The following PRKG1 variants were observed in gnomAD, a reference collection of about 807,000 sequenced individuals.
PRKG1 encodes cGMP-dependent protein kinase 1.
Under a neutral mutation model 88.1 loss-of-function variants are expected in PRKG1, and 35 were observed. The ratio of observed to expected loss-of-function variants is 0.40; its 90% CI spans 0.30 to 0.53. The LOEUF (loss-of-function observed/expected upper bound fraction) is 0.53, where lower values mean the gene tolerates loss of function less well. Ranked by LOEUF, PRKG1 falls within the 20% of genes least tolerant of loss-of-function variation. The pLI, the probability that PRKG1 is intolerant of heterozygous loss-of-function variation, is 0.59. For missense variants in PRKG1, 540 were observed against 839.8 expected (o/e 0.64, Z 4.41); for synonymous variants, 303 against 292.5 (o/e 1.04, Z -0.37).
chr10:51,844,961 T>C (rs905459825), intron 4 of PRKG1, among the ~76,000 whole-genome samples: 2 of 152,184 alleles, frequency 1.3e-5, no homozygotes, highest in African/African-American at 4.8e-5. Context: ...AAATTTCAGT[T>C]ATATCATTGT....
At chr10:51,885,085 T>A (rs1400420609) in intron 4 of PRKG1, among the ~76,000 whole-genome samples, 1 of 152,210 alleles carries the variant, frequency 6.6e-6, no homozygotes, top group Non-Finnish European at 1.5e-5. Context: ...CCAAGTTTCT[T>A]TTCATTTTTA....
At chr10:51,042,016 C>T (rs773584256) in intron 1 of PRKG1, among the ~76,000 whole-genome samples, 20 of 152,120 alleles carry the variant, frequency 1.3e-4, no homozygotes, top group Non-Finnish European at 2.6e-4. Context: ...AGACCATGTC[C>T]TCTGAGCCAG....
intron 3 of PRKG1, among the ~76,000 whole-genome samples, chr10:51,582,360 T>C (rs1838062095): frequency 1.3e-5 from 2 of 152,148 alleles, no homozygotes; most frequent in Non-Finnish European, 2.9e-5. Flanking sequence ...ATGTGCAAGA[T>C]GCACAGGTTT....
chr10:51,394,321 C>T (rs1376745262), intron 2 of PRKG1, among the ~76,000 whole-genome samples: 2 of 152,150 alleles, frequency 1.3e-5, no homozygotes, highest in Non-Finnish European at 2.9e-5. Context: ...GACAGTAGAA[C>T]CTAGACATGG....
intron 4 of PRKG1, among the ~76,000 whole-genome samples, chr10:51,829,675 C>T (rs1347908999): frequency 6.6e-6 from 1 of 152,168 alleles, no homozygotes; most frequent in African/African-American, 2.4e-5. Flanking sequence ...CACGTGAACA[C>T]ACACACACAT....
chr10:51,714,714 C>T (rs1275254570), intron 3 of PRKG1, among the ~76,000 whole-genome samples: 1 of 152,144 alleles, frequency 6.6e-6, no homozygotes, highest in African/African-American at 2.4e-5. Context: ...TTATCCTTCT[C>T]CTTATCATCA....
At chr10:51,657,889 C>A (rs760886906) in intron 3 of PRKG1, among the ~76,000 whole-genome samples, 8 of 152,076 alleles carry the variant, frequency 5.3e-5, no homozygotes, top group Non-Finnish European at 2.9e-5. Flanking sequence ...CTCCAGGGTA[C>A]TGGGCTCCAG....
At chr10:51,985,694 G>A (rs1246942340) in intron 5 of PRKG1, among the ~76,000 whole-genome samples, 2 of 151,998 alleles carry the variant, frequency 1.3e-5, no homozygotes, top group Non-Finnish European at 2.9e-5. Flanking sequence ...TTAAAAAATG[G>A]TTGTATCATA....
chr10:51,366,082 G>A (rs555464384), intron 2 of PRKG1, among the ~76,000 whole-genome samples: 53 of 151,974 alleles, frequency 3.5e-4, no homozygotes, highest in Non-Finnish European at 3.7e-4. Context: ...TAGAGTTTGC[G>A]TTTGCATGAG....
rs1350752267 is a variant in PRKG1, at chr10:51,942,738, G to T, written c.762+35168G>T. Among the ~76,000 whole-genome samples the T allele has an allele frequency of 1.4e-4, 21 of 150,920 alleles. No homozygotes were observed. In the South Asian group the frequency reaches 4.4e-3, roughly 32 times the overall value. On this transcript the variant is annotated intron_variant, in intron 5 of 17. Coordinates refer to ENST00000373980, the MANE Select transcript of PRKG1 (RefSeq NM_006258.4). ...CTTTCCCCATTGCTTGTTTTTCTCA[G>T]GTTTGTCAAAGATCAGATAGTTGTA...
intron 3 of PRKG1, among the ~76,000 whole-genome samples, chr10:51,524,027 T>A (rs964118469): frequency 6.6e-6 from 1 of 152,078 alleles, no homozygotes; most frequent in African/African-American, 2.4e-5. Context: ...CTCGTGATAG[T>A]GAGTTCTCAA....
intron 5 of PRKG1, 61 bp downstream of exon 5, chr10:51,907,631 TTC>T (rs1298533848): frequency 7.0e-7 from 1 of 1,425,950 alleles, no homozygotes; most frequent in Non-Finnish European, 9.9e-7. Context: ...GCTGGCTTCT[TTC>T]ACAGCTGTGT....
chr10:51,077,076 A>C (rs1279374284), intron 1 of PRKG1, among the ~76,000 whole-genome samples: 1 of 152,204 alleles, frequency 6.6e-6, no homozygotes, highest in Admixed American at 6.5e-5. Context: ...TAGAAAGTGT[A>C]CCTTTCTTAG....
intron 5 of PRKG1, among the ~76,000 whole-genome samples, chr10:51,940,693 G>A (rs1267513576): frequency 6.6e-6 from 1 of 151,640 alleles, no homozygotes; most frequent in Non-Finnish European, 1.5e-5. Context: ...TGAGGGGAGG[G>A]TTTTTTGGGA....
At chr10:51,415,157 C>T (rs1323787182) in intron 2 of PRKG1, among the ~76,000 whole-genome samples, 2 of 152,194 alleles carry the variant, frequency 1.3e-5, no homozygotes, top group Non-Finnish European at 2.9e-5. Context: ...GAGCCTATGT[C>T]CTTGTCAGTA....
chr10:51,966,036 T>A (rs1380044075), intron 5 of PRKG1, among the ~76,000 whole-genome samples: 1 of 152,142 alleles, frequency 6.6e-6, no homozygotes, highest in African/African-American at 2.4e-5. Flanking sequence ...ATAATTATTC[T>A]AATTATGTGA....
intron 5 of PRKG1, among the ~76,000 whole-genome samples, chr10:52,021,651 C>A (rs1007850425): frequency 5.3e-5 from 8 of 152,056 alleles, no homozygotes; most frequent in African/African-American, 1.9e-4. Context: ...TGCATGGATA[C>A]CTAATTTCAA....
At position 52,174,748 on chromosome 10, in the gene PRKG1, C is replaced by T. The variant is rs546000857; in HGVS notation, c.1076+12785C>T. On this transcript the variant is annotated intron_variant, in intron 9 of 17. Transcript: ENST00000373980. ...ACATATTCCCAGCGACATGTATTTC[C>T]AAATAATGAAGCACATATATTCCTA... Among the ~76,000 whole-genome samples the T allele has an allele frequency of 1.9e-3, 292 of 151,998 alleles. 2 individuals carry two copies. The highest frequency in any genetic ancestry group is 3.4e-3 in the Non-Finnish European group (232 of 67,866).
At chr10:51,092,952 A>G (rs1452392890) in intron 1 of PRKG1, among the ~76,000 whole-genome samples, 1 of 152,186 alleles carries the variant, frequency 6.6e-6, no homozygotes, top group African/African-American at 2.4e-5. Context: ...TTAGAGATAT[A>G]CCTATGTATA....
Sources: allele counts gnomAD v4.1 joint callset (sites outside exome capture counted in the v4.1 genomes callset), GRCh38; gene constraint gnomAD v4.1.1; transcripts MANE v1.5; gene names NCBI Gene and HGNC (gene_info 2026-07-23, HGNC 2026-07-21).